MAP4K4: variants seen among roughly 807,000 people sequenced by gnomAD.
The protein encoded by MAP4K4 is HPK/GCK-like kinase HGK.
A neutral mutation model predicts 189.6 loss-of-function variants in MAP4K4; 38 were observed. The observed-to-expected ratio is 0.20, with a 90% CI of 0.15 to 0.26. The LOEUF is 0.26. MAP4K4 is among the 10% of genes least tolerant of loss of function. The pLI is 1.00. For synonymous variants in MAP4K4, 610 were observed against 624.3 expected (o/e 0.98, Z 0.34); for missense variants, 1,054 against 1,726.9 (o/e 0.61, Z 6.91).
At chr2:101,844,234 G>A (rs956862332) in exon 12 of MAP4K4, 1 of 1,591,958 alleles carries the variant, frequency 6.3e-7, no homozygotes, top group African/African-American at 1.3e-5. Context: ...GGAGCAGGAA[G>A]AATATAAAAG....
chr2:101,846,869 A>T (rs2097126368), intron 12 of MAP4K4, among the ~76,000 whole-genome samples: 1 of 152,026 alleles, frequency 6.6e-6, no homozygotes, highest in African/African-American at 2.4e-5. Flanking sequence ...CTTTATTTAC[A>T]CTCCAGGTCT....
chr2:101,817,146 G>A (rs2095778785), intron 3 of MAP4K4, among the ~76,000 whole-genome samples: 1 of 151,984 alleles, frequency 6.6e-6, no homozygotes, highest in Non-Finnish European at 1.5e-5. Flanking sequence ...ACTATTTCAA[G>A]TATATTATTG....
chr2:101,868,014 T>G lies in MAP4K4; in HGVS notation c.2455-15T>G. The G allele has an allele frequency of 6.2e-7, 1 of 1,613,354 alleles. No homozygotes were observed. Among genetic ancestry groups the G allele is most frequent in the Non-Finnish European group, 8.5e-7 (1 of 1,179,700 alleles). On this transcript the variant is annotated splice_polypyrimidine_tract_variant and intron_variant, in intron 20 of 32. Transcript: ENST00000324219. ...GATGGCTTCTCGGACTCCACGAAACTGCGCTGTACTGAAGGGCGAAGTGGT... is the reference window on the plus strand; with the variant it reads ...GATGGCTTCTCGGACTCCACGAAACGGCGCTGTACTGAAGGGCGAAGTGGT...
intron 5 of MAP4K4, among the ~76,000 whole-genome samples, chr2:101,827,048 G>C (rs2096393859): frequency 6.6e-6 from 1 of 152,044 alleles, no homozygotes; most frequent in Non-Finnish European, 1.5e-5. Context: ...AGACATCAAA[G>C]ACAACTTACA....
chr2:101,876,200 A>C (rs2098199420), intron 26 of MAP4K4, among the ~76,000 whole-genome samples: 1 of 152,094 alleles, frequency 6.6e-6, no homozygotes, highest in South Asian at 2.1e-4. Flanking sequence ...AGCAGGAGGC[A>C]AAGTAGCAGC....
intron 6 of MAP4K4, among the ~76,000 whole-genome samples, chr2:101,830,758 C>A (rs3771902): frequency 7.2e-5 from 11 of 151,928 alleles, no homozygotes; most frequent in Non-Finnish European, 2.9e-5. Flanking sequence ...AGTCCCTGAG[C>A]GATCACTTAG....
chr2:101,750,402 T>C (rs1574864058), intron 2 of MAP4K4, among the ~76,000 whole-genome samples: 1 of 143,454 alleles, frequency 7.0e-6, no homozygotes, highest in Middle Eastern at 3.5e-3. Flanking sequence ...CAGTAAACTA[T>C]CGCAAGAACA....
At chr2:101,775,137 C>T (rs774544294) in intron 2 of MAP4K4, among the ~76,000 whole-genome samples, 1 of 150,950 alleles carries the variant, frequency 6.6e-6, no homozygotes, top group Admixed American at 6.6e-5. Flanking sequence ...TTAACCTTCA[C>T]GCTTCCTGCA....
intron 2 of MAP4K4, among the ~76,000 whole-genome samples, chr2:101,743,926 G>C (rs2063949600): frequency 6.6e-6 from 1 of 152,186 alleles, no homozygotes; most frequent in Admixed American, 6.5e-5. Context: ...CCAAAGTGCT[G>C]TGATTACAGG....
chr2:101,808,808 G>A (rs1276864378), intron 3 of MAP4K4, among the ~76,000 whole-genome samples: 2 of 152,006 alleles, frequency 1.3e-5, no homozygotes, highest in Non-Finnish European at 2.9e-5. Context: ...TTGTGTGTGT[G>A]TGTGTGTGTA....
chr2:101,698,337 C>T, intron 1 of MAP4K4, 136 bp from the exon 2 acceptor site: 2 of 861,942 alleles, frequency 2.3e-6, no homozygotes, highest in South Asian at 1.4e-5. Context: ...CGCCGCGCGA[C>T]CCCCGGGCGC....
intron 20 of MAP4K4, 164 bp downstream of exon 20, chr2:101,867,473 A>G (rs2097850384): frequency 3.4e-6 from 2 of 592,564 alleles, no homozygotes; most frequent in South Asian, 2.0e-5. Flanking sequence ...GTTCCCTTCC[A>G]TTGGTATCGT....
chr2:101,732,838 C>A (rs1011641842), intron 2 of MAP4K4, among the ~76,000 whole-genome samples: 1 of 152,210 alleles, frequency 6.6e-6, no homozygotes, highest in Non-Finnish European at 1.5e-5. Flanking sequence ...CCGCCTGCCT[C>A]GGCCTCCCGA....
intron 2 of MAP4K4, among the ~76,000 whole-genome samples, chr2:101,712,607 C>G (rs1172696968): frequency 6.6e-6 from 1 of 152,062 alleles, no homozygotes; most frequent in Non-Finnish European, 1.5e-5. Flanking sequence ...TCAAGTGATT[C>G]TTGTGCCTCA....
At chr2:101,707,212 C>CTTTTTTTTTTTTTTTTTT (rs545502305) in intron 2 of MAP4K4, among the ~76,000 whole-genome samples, 1 of 133,944 alleles carries the variant, frequency 7.5e-6, no homozygotes, top group Non-Finnish European at 1.6e-5. Context: ...TTTATTTTAT[C>CTTTTTTTTTTTTTTTTTT]TTTTTTTTTT....
chr2:101,698,872 G>A (rs1202493930), intron 2 of MAP4K4, among the ~76,000 whole-genome samples: 1 of 152,166 alleles, frequency 6.6e-6, no homozygotes, highest in Non-Finnish European at 1.5e-5. Flanking sequence ...CTGAGTTTGT[G>A]TGTAAATTGA....
At chr2:101,790,653 C>T (rs546253401) in intron 2 of MAP4K4, 67 bp from the exon 3 acceptor site, 2 of 1,105,150 alleles carry the variant, frequency 1.8e-6, no homozygotes, top group East Asian at 5.0e-5. Context: ...AAACTTCAGC[C>T]ATTTTGTTCT....
chr2:101,775,524 T>C (rs2083620748), intron 2 of MAP4K4, among the ~76,000 whole-genome samples: 1 of 152,088 alleles, frequency 6.6e-6, no homozygotes, highest in Non-Finnish European at 1.5e-5. Context: ...GTTTGTCATA[T>C]AACACCTGTT....
At chr2:101,749,064 C>A (rs1168264859) in intron 2 of MAP4K4, among the ~76,000 whole-genome samples, 3 of 147,202 alleles carry the variant, frequency 2.0e-5, no homozygotes, top group African/African-American at 7.5e-5. Context: ...GAATCAATAT[C>A]ATGAAAATGG....
Sources: gnomAD v4.1 joint callset for allele counts (sites outside exome capture counted in the v4.1 genomes callset) on GRCh38, gnomAD v4.1.1 for gene constraint, MANE v1.5 for transcripts, NCBI Gene and HGNC (gene_info 2026-07-23, HGNC 2026-07-21) for gene names.